The following LHFPL3 variants were observed in gnomAD, a reference collection of about 807,000 sequenced individuals.
LHFPL3 encodes the protein LHFPL tetraspan subfamily member 3 protein.
In LHFPL3, 5 loss-of-function variants were observed where a neutral mutation model predicts 19.3. The observed-to-expected ratio is 0.26, with a 90% confidence interval of 0.14 to 0.54. The LOEUF (loss-of-function observed/expected upper bound fraction) is 0.54. Ranked by LOEUF, LHFPL3 falls within the 20% of genes least tolerant of loss-of-function variation. LHFPL3 has a pLI of 0.94. For missense variants in LHFPL3, 249 were observed against 307.4 expected, an observed-to-expected ratio of 0.81 and a Z score of 1.42; for synonymous variants, 133 against 126.2, an observed-to-expected ratio of 1.05 and a Z score of -0.36.
At chr7:104,705,905 C>G (rs1433999820) in intron 1 of LHFPL3, among the ~76,000 whole-genome samples, 1 of 152,162 alleles carries the variant, frequency 6.6e-6, no homozygotes, top group Non-Finnish European at 1.5e-5. Context: ...AAACAGGACT[C>G]TACTTGTCAG....
intron 1 of LHFPL3, among the ~76,000 whole-genome samples, chr7:104,400,424 A>G (rs1298420222): frequency 6.6e-6 from 1 of 152,192 alleles, no homozygotes; most frequent in African/African-American, 2.4e-5. Context: ...CAATTCTTTC[A>G]GCTACCTATG....
chr7:104,414,214 A>C (rs1045882942), intron 1 of LHFPL3, among the ~76,000 whole-genome samples: 15 of 152,200 alleles, frequency 9.9e-5, no homozygotes, highest in Admixed American at 7.9e-4. Flanking sequence ...ATTAACCATC[A>C]GTCAAAGTGA....
intron 1 of LHFPL3, among the ~76,000 whole-genome samples, chr7:104,595,775 C>A (rs1412886713): frequency 6.6e-6 from 1 of 152,270 alleles, no homozygotes; most frequent in Non-Finnish European, 1.5e-5. Flanking sequence ...ATGGCAGACG[C>A]CCCTCCCCCA....
intron 2 of LHFPL3, among the ~76,000 whole-genome samples, chr7:104,896,917 C>G: frequency 6.6e-6 from 1 of 152,106 alleles, no homozygotes; most frequent in Non-Finnish European, 1.5e-5. Context: ...GAAACCCCAT[C>G]TCTACTACAA....
chr7:104,408,959 G>C (rs953616098), intron 1 of LHFPL3, among the ~76,000 whole-genome samples: 3 of 147,340 alleles, frequency 2.0e-5, no homozygotes, highest in Non-Finnish European at 3.0e-5. Flanking sequence ...CCGCCTCCGG[G>C]GCTCATGCCA....
At chr7:104,404,284 A>C (rs1791374668) in intron 1 of LHFPL3, among the ~76,000 whole-genome samples, 1 of 152,216 alleles carries the variant, frequency 6.6e-6, no homozygotes, top group South Asian at 2.1e-4. Flanking sequence ...ATATTCATAA[A>C]ATAGCCATTG....
In LHFPL3 at chr7:104,818,076, G is replaced by C. The variant is rs957969100; in HGVS notation, c.682+81165G>C. Reference sequence around the variant, plus strand: ...AGGGCTCTTGGGCAGTGCTGACTTAGAGCAAGCAAGAGAAGTAAGAGGAAT... The same window carrying C: ...AGGGCTCTTGGGCAGTGCTGACTTACAGCAAGCAAGAGAAGTAAGAGGAAT... On this transcript the variant is annotated intron_variant, in intron 2 of 2. Coordinates refer to ENST00000424859, the MANE Select transcript of LHFPL3 (RefSeq NM_199000.3). Among the ~76,000 whole-genome samples the C allele has an allele frequency of 8.5e-5, 13 of 152,298 alleles. No homozygotes were observed. The East Asian group carries it at 2.3e-3, about 27-fold the overall frequency.
chr7:104,564,182 T>A (rs565673080), intron 1 of LHFPL3, among the ~76,000 whole-genome samples: 42 of 152,214 alleles, frequency 2.8e-4, no homozygotes, highest in Non-Finnish European at 5.1e-4. Flanking sequence ...TTCACTTATG[T>A]TTGTTTCACT....
chr7:104,421,097 A>G (rs1322273825), intron 1 of LHFPL3, among the ~76,000 whole-genome samples: 1 of 152,226 alleles, frequency 6.6e-6, no homozygotes, highest in East Asian at 1.9e-4. Flanking sequence ...AGAAGGTAGT[A>G]AGGATAACTA....
chr7:104,716,193 A>G (rs1793383306), intron 1 of LHFPL3, among the ~76,000 whole-genome samples: 1 of 152,138 alleles, frequency 6.6e-6, no homozygotes, highest in Non-Finnish European at 1.5e-5. Flanking sequence ...CTAAAAATAC[A>G]AAAATTAGCC....
chr7:104,532,717 G>A (rs1304130408), intron 1 of LHFPL3, among the ~76,000 whole-genome samples: 1 of 151,964 alleles, frequency 6.6e-6, no homozygotes, highest in Non-Finnish European at 1.5e-5. Context: ...TTTCTCTGAA[G>A]GGGAAAAAAT....
intron 1 of LHFPL3, among the ~76,000 whole-genome samples, chr7:104,338,811 C>T (rs985468986): frequency 1.3e-5 from 2 of 152,098 alleles, no homozygotes; most frequent in Non-Finnish European, 2.9e-5. Flanking sequence ...AATGACATGG[C>T]CCACCTCTGA....
At chr7:104,401,998 C>T (rs1188256537) in intron 1 of LHFPL3, among the ~76,000 whole-genome samples, 1 of 150,822 alleles carries the variant, frequency 6.6e-6, no homozygotes, top group Non-Finnish European at 1.5e-5. Context: ...TAACAGTCTA[C>T]AAGCATTGAA....
rs1392108690 is a variant in LHFPL3, at chr7:104,680,185, CTG to C, written c.446-56486_446-56485del. Among the ~76,000 whole-genome samples, 8 of 152,292 alleles carry C rather than the reference CTG, an allele frequency of 5.3e-5. No individual in the cohort carries two copies. The South Asian group carries it at 1.5e-3, about 28-fold the overall frequency. On this transcript the variant is annotated intron_variant, in intron 1 of 2. Coordinates refer to ENST00000424859, the MANE Select transcript of LHFPL3 (RefSeq NM_199000.3). Reference sequence around the variant, plus strand: ...GCGCCAGCTGCTCACCCGAAGATGGCTGTGTTTCTGTCCATGTGGTGATGTGG... The same window carrying C: ...GCGCCAGCTGCTCACCCGAAGATGGCTGTTTCTGTCCATGTGGTGATGTGG...
chr7:104,907,378 A>G lies in LHFPL3; in HGVS notation c.*1163A>G, dbSNP rs1220543237. The G allele has an allele frequency of 6.6e-6, 1 of 152,140 alleles. No homozygotes were observed. Among genetic ancestry groups the G allele is most frequent in the Admixed American group, 6.5e-5 (1 of 15,268 alleles). The allele number at this position is 152,140 out of a possible 1,614,324, so 9.4% of individuals were successfully genotyped here. ...GAAAAAAACTCGGTAGGAATAAGTTACCTTTTTGTTTACTAATGTTGGTTT... is the reference window on the plus strand; with the variant it reads ...GAAAAAAACTCGGTAGGAATAAGTTGCCTTTTTGTTTACTAATGTTGGTTT... On this transcript the variant is annotated 3_prime_UTR_variant, in exon 3 of 3. Transcript: ENST00000424859.
chr7:104,703,501 A>C (rs1478949711), intron 1 of LHFPL3, among the ~76,000 whole-genome samples: 1 of 152,218 alleles, frequency 6.6e-6, no homozygotes, highest in Admixed American at 6.5e-5. Flanking sequence ...ATCTTTTGTC[A>C]GTAGCTAAGC....
chr7:104,627,755 A>G (rs1189586220), intron 1 of LHFPL3, among the ~76,000 whole-genome samples: 1 of 152,184 alleles, frequency 6.6e-6, no homozygotes, highest in Non-Finnish European at 1.5e-5. Flanking sequence ...TTCCTTGCAC[A>G]CTGTAGCTGC....
intron 2 of LHFPL3, among the ~76,000 whole-genome samples, chr7:104,754,149 A>G (rs1163638648): frequency 2.0e-5 from 3 of 152,180 alleles, no homozygotes; most frequent in African/African-American, 7.2e-5. Flanking sequence ...ACCATGGAGT[A>G]CTAGGTAGCA....
chr7:104,434,129 C>G (rs1456069349), intron 1 of LHFPL3, among the ~76,000 whole-genome samples: 4 of 152,128 alleles, frequency 2.6e-5, no homozygotes. Flanking sequence ...GCAGTGGATG[C>G]TAGTGGATAT....
Sources: gnomAD v4.1 joint callset for allele counts (sites outside exome capture counted in the v4.1 genomes callset) on GRCh38, gnomAD v4.1.1 for gene constraint, MANE v1.5 for transcripts, NCBI Gene and HGNC (gene_info 2026-07-23, HGNC 2026-07-21) for gene names.